IL1R2: variants seen among roughly 807,000 people sequenced by gnomAD.
IL1R2 encodes the protein interleukin-1 receptor type 2.
IL1R2 carries 46 observed loss-of-function variants against 39.5 expected under a neutral mutation model. The observed-to-expected ratio is 1.16, with a 90% confidence interval of 0.92 to 1.49. The LOEUF (loss-of-function observed/expected upper bound fraction) is 1.49. IL1R2 is among the 40% of genes most tolerant of loss of function. IL1R2 has a pLI of 0.00. For missense variants in IL1R2, 537 were observed against 502.0 expected, an observed-to-expected ratio of 1.07 and a Z score of -0.67; for synonymous variants, 207 against 189.6, an observed-to-expected ratio of 1.09 and a Z score of -0.75.
At chr2:102,012,269 G>T (rs150587137) in intron 3 of IL1R2, among the ~76,000 whole-genome samples, 266 of 152,264 alleles carry the variant, frequency 1.7e-3, no homozygotes, top group African/African-American at 6.0e-3. Flanking sequence ...CTCTTCAGCT[G>T]CTTCTTCTGT....
chr2:102,024,857 A>G (rs1677638013), intron 7 of IL1R2, 189 bp downstream of exon 7: 1 of 701,916 alleles, frequency 1.4e-6, no homozygotes, highest in African/African-American at 1.8e-5. Context: ...CTCTGTAAAT[A>G]CTTAAAAGTT....
At chr2:101,997,084 G>A (rs13022757) in intron 1 of IL1R2, among the ~76,000 whole-genome samples, 3 of 151,962 alleles carry the variant, frequency 2.0e-5, no homozygotes, top group Non-Finnish European at 4.4e-5. Context: ...CCCAGGGAGT[G>A]GTGGGCAGCT....
intron 1 of IL1R2, among the ~76,000 whole-genome samples, chr2:102,002,893 T>A (rs1481275908): frequency 6.6e-6 from 1 of 152,052 alleles, no homozygotes; most frequent in East Asian, 1.9e-4. Flanking sequence ...TGTCTCTGCC[T>A]GGGTCTATGT....
intron 1 of IL1R2, among the ~76,000 whole-genome samples, chr2:102,003,167 T>C (rs1676019951): frequency 8.3e-6 from 1 of 120,396 alleles, no homozygotes; most frequent in Non-Finnish European, 2.0e-5. Context: ...TGTCTGTGTC[T>C]ATGTCTGTGT....
chr2:102,026,173 G>C lies in IL1R2; in HGVS notation c.950G>C (p.Arg317Thr). ...EVPLIFDPVT[R>T]EDLHMDFKCV... ...CCATTGATTTTTGATCCTGTCACAA[G>C]AGAGGATTTGCACATGGATTTTAAA... The change falls in exon 8 of 9, where the codon AGA (arginine) becomes ACA (threonine). Residue 317 changes from arginine to threonine, a missense_variant. Coordinates refer to ENST00000332549, the MANE Select transcript of IL1R2 (RefSeq NM_004633.4). The C allele has an allele frequency of 6.2e-7, 1 of 1,612,218 alleles. No homozygotes were observed. The highest frequency in any genetic ancestry group is 8.5e-7 in the Non-Finnish European group (1 of 1,178,304).
In IL1R2 at chr2:102,019,712, T is replaced by A. The variant is rs990034677; in HGVS notation, c.588T>A (p.Asp196Glu). 1 of 1,613,992 alleles carries A rather than the reference T, an allele frequency of 6.2e-7. No homozygotes were observed. Among genetic ancestry groups the A allele is most frequent in the African/African-American group, 1.3e-5 (1 of 75,056 alleles). ...GGACCACTCACTTACTCGTACACGA[T>A]GTGGCCCTGGAAGATGCTGGCTATT... is the stretch of plus-strand genomic sequence containing the variant. ...VRGTTHLLVHDVALEDAGYYR... is the reference protein window; with the variant it reads ...VRGTTHLLVHEVALEDAGYYR... The change falls in exon 5 of 9, where the codon GAT (aspartate) becomes GAA (glutamate). Residue 196 changes from aspartate to glutamate, a missense_variant. Coordinates refer to ENST00000332549, the MANE Select transcript of IL1R2 (RefSeq NM_004633.4).
At chr2:102,007,042 T>G (rs1017183037) in intron 1 of IL1R2, among the ~76,000 whole-genome samples, 3 of 152,202 alleles carry the variant, frequency 2.0e-5, no homozygotes, top group African/African-American at 7.2e-5. Context: ...CAAGTTTAGG[T>G]TAACCAACTT....
chr2:102,004,019 G>A (rs1676106550), intron 1 of IL1R2, among the ~76,000 whole-genome samples: 1 of 142,198 alleles, frequency 7.0e-6, no homozygotes, highest in Non-Finnish European at 1.5e-5. Flanking sequence ...CTATGTCTAT[G>A]TCTATGTCTA....
chr2:102,003,091 T>C, intron 1 of IL1R2, among the ~76,000 whole-genome samples: 1 of 118,570 alleles, frequency 8.4e-6, no homozygotes, highest in East Asian at 2.4e-4. Context: ...TCCGTGTCTG[T>C]GTCTATGTCT....
chr2:102,017,012 A>G (rs1677044167), intron 4 of IL1R2, among the ~76,000 whole-genome samples: 1 of 152,230 alleles, frequency 6.6e-6, no homozygotes, highest in African/African-American at 2.4e-5. Context: ...ATAACAGCTG[A>G]AGGAAATAAC....
At chr2:102,016,766 AGT>A (rs1421468071) in intron 4 of IL1R2, among the ~76,000 whole-genome samples, 1 of 152,238 alleles carries the variant, frequency 6.6e-6, no homozygotes, top group Non-Finnish European at 1.5e-5. Context: ...GATGATTTAA[AGT>A]ATATGGGAGG....
intron 5 of IL1R2, among the ~76,000 whole-genome samples, chr2:102,021,094 A>T (rs926535857): frequency 6.6e-5 from 10 of 151,964 alleles, no homozygotes; most frequent in African/African-American, 2.4e-4. Context: ...GGAGGAGGGG[A>T]GGAAAAGGCG....
At position 102,009,822 on chromosome 2, in the gene IL1R2, A is replaced by T; in HGVS notation, c.328A>T (p.Thr110Ser). The T allele has an allele frequency of 6.2e-7, 1 of 1,613,970 alleles. No individual in the cohort carries two copies. Among genetic ancestry groups the T allele is most frequent in the Non-Finnish European group, 8.5e-7 (1 of 1,179,894 alleles). The change falls in exon 3 of 9, where the codon ACT (threonine) becomes TCT (serine). Residue 110 changes from threonine (T) to serine (S), a missense_variant. Transcript: ENST00000332549. ...GGACTCTGGCACCTACGTCTGCACT[A>T]CTAGGTAAGTCTCCCTGTGCGGGGC... ...QEDSGTYVCT[T>S]RNASYCDKMS...
chr2:102,025,765 G>A (rs1033353885), intron 7 of IL1R2, among the ~76,000 whole-genome samples: 1 of 152,140 alleles, frequency 6.6e-6, no homozygotes, highest in South Asian at 2.1e-4. Flanking sequence ...AGGGACTCAA[G>A]TTTCCTCAAA....
At chr2:102,020,869 G>C (rs1263382792) in intron 5 of IL1R2, among the ~76,000 whole-genome samples, 2 of 152,178 alleles carry the variant, frequency 1.3e-5, no homozygotes, top group African/African-American at 4.8e-5. Context: ...GGGTGGTCCT[G>C]GGCCAGCAGC....
intron 1 of IL1R2, among the ~76,000 whole-genome samples, chr2:101,997,266 T>C (rs1232905704): frequency 6.6e-6 from 1 of 152,228 alleles, no homozygotes; most frequent in African/African-American, 2.4e-5. Flanking sequence ...CACCCCGCTG[T>C]GCCTCTCCCT....
intron 3 of IL1R2, among the ~76,000 whole-genome samples, chr2:102,012,976 A>G (rs3218877): frequency 0.17 from 26,550 of 152,084 alleles, 2,831 homozygotes; most frequent in East Asian, 0.29. Context: ...TGAGAGGGTT[A>G]TGTGAGATCA....
intron 3 of IL1R2, among the ~76,000 whole-genome samples, chr2:102,014,268 C>A (rs1469441634): frequency 6.6e-6 from 1 of 152,134 alleles, no homozygotes; most frequent in African/African-American, 2.4e-5. Context: ...GTACACCTAC[C>A]TTTTTCATAT....
At position 102,025,972 on chromosome 2, in the gene IL1R2, G is replaced by C. The variant is rs1224560752; in HGVS notation, c.888-139G>C. The C allele has an allele frequency of 6.3e-6, 4 of 637,026 alleles. No homozygotes were observed. The East Asian group carries it at 1.1e-4, about 18-fold the overall frequency. The allele number at this position is 637,026 out of a possible 1,614,324, so 39.5% of individuals were successfully genotyped here. On this transcript the variant is annotated intron_variant, in intron 7 of 8. Transcript: ENST00000332549. ...AAATGAATCACAAGTATGGTGGCAA[G>C]AGCTCCTAACTTTATGAAACTTGAA... is the stretch of plus-strand genomic sequence containing the variant.
Sources: allele counts gnomAD v4.1 joint callset (sites outside exome capture counted in the v4.1 genomes callset), GRCh38; gene constraint gnomAD v4.1.1; transcripts MANE v1.5; gene names NCBI Gene and HGNC (gene_info 2026-07-23, HGNC 2026-07-21).